Variants in GABRB2 observed in about 807,000 individuals in gnomAD.
GABRB2 encodes gamma-aminobutyric acid receptor subunit beta-2.
A neutral mutation model predicts 54.7 loss-of-function variants in GABRB2; 16 were observed. The ratio of observed to expected loss-of-function variants is 0.29; its 90% confidence interval spans 0.20 to 0.44. The LOEUF (loss-of-function observed/expected upper bound fraction) is 0.44, where lower values mean the gene tolerates loss of function less well. GABRB2 is among the 20% of genes least tolerant of loss of function. GABRB2 has a pLI of 1.00. For missense variants in GABRB2, 355 were observed against 644.0 expected (o/e 0.55, Z 4.86); for synonymous variants, 244 against 233.8 (o/e 1.04, Z -0.40).
chr5:161,411,077 G>A lies in GABRB2; in HGVS notation c.459-20C>T, dbSNP rs1323262404. The A allele has an allele frequency of 6.3e-6, 10 of 1,581,796 alleles. No individual in the cohort carries two copies. The South Asian group carries it at 8.9e-5, about 14-fold the overall frequency. On this transcript the variant is annotated intron_variant, in intron 4 of 9. Transcript: ENST00000393959. ...GTGATTCTAGAAGACAAATAGCAATGATGAGTGTTGTTAGCAGGTCTAAGG... is the reference window on the plus strand; with the variant it reads ...GTGATTCTAGAAGACAAATAGCAATAATGAGTGTTGTTAGCAGGTCTAAGG...
At chr5:161,451,237 G>T (rs1317299746) in intron 4 of GABRB2, among the ~76,000 whole-genome samples, 2 of 152,120 alleles carry the variant, frequency 1.3e-5, no homozygotes, top group Non-Finnish European at 2.9e-5. Flanking sequence ...ATTACCTTCT[G>T]CTTCCTGCTG....
At chr5:161,499,253 C>A (rs1462680301) in intron 3 of GABRB2, among the ~76,000 whole-genome samples, 2 of 152,176 alleles carry the variant, frequency 1.3e-5, no homozygotes, top group Non-Finnish European at 2.9e-5. Flanking sequence ...AGTATTATTT[C>A]TCTCTCTTAT....
chr5:161,388,523 C>T (rs1454487781), intron 5 of GABRB2, among the ~76,000 whole-genome samples: 1 of 151,734 alleles, frequency 6.6e-6, no homozygotes, highest in Non-Finnish European at 1.5e-5. Context: ...CTAATTTTAA[C>T]CTAGAAGATG....
intron 5 of GABRB2, among the ~76,000 whole-genome samples, chr5:161,341,973 A>ATATATATATATT: frequency 7.8e-6 from 1 of 129,026 alleles, no homozygotes; most frequent in East Asian, 2.3e-4. Context: ...ATATATACAT[A>ATATATATATATT]CTTTATTATT....
chr5:161,437,230 G>A (rs1757338433), intron 4 of GABRB2, among the ~76,000 whole-genome samples: 1 of 151,804 alleles, frequency 6.6e-6, no homozygotes, highest in Non-Finnish European at 1.5e-5. Context: ...GGCTCCAAAA[G>A]AGACCCCTTC....
intron 3 of GABRB2, among the ~76,000 whole-genome samples, chr5:161,512,278 C>T (rs1323346645): frequency 7.2e-5 from 11 of 151,734 alleles, no homozygotes; most frequent in Admixed American, 7.2e-4. Context: ...CCTGAATAGC[C>T]CAGGCAATAC....
chr5:161,333,695 C>T lies in GABRB2; in HGVS notation c.832+1057G>A, dbSNP rs558769640. Among the ~76,000 whole-genome samples the T allele has an allele frequency of 1.2e-4, 19 of 152,246 alleles. No homozygotes were observed. In the South Asian group the frequency reaches 2.7e-3, roughly 22 times the overall value. On this transcript the variant is annotated intron_variant, in intron 7 of 9. Coordinates refer to ENST00000393959, the MANE Select transcript of GABRB2 (RefSeq NM_001371727.1). ...GCTACTTCCCCTGAACTCACTTGGCCTCATTAGCCTCCTGCTGACACTGTT... is the reference window on the plus strand; with the variant it reads ...GCTACTTCCCCTGAACTCACTTGGCTTCATTAGCCTCCTGCTGACACTGTT...
chr5:161,506,282 A>T (rs2113391419), intron 3 of GABRB2, among the ~76,000 whole-genome samples: 1 of 152,280 alleles, frequency 6.6e-6, no homozygotes, highest in East Asian at 1.9e-4. Flanking sequence ...CATATGAAAA[A>T]GAAAATATTG....
intron 5 of GABRB2, among the ~76,000 whole-genome samples, chr5:161,398,402 T>A (rs955500453): frequency 5.3e-5 from 8 of 152,272 alleles, no homozygotes; most frequent in Admixed American, 5.2e-4. Context: ...CAAAACTGAC[T>A]TTGGCTAAAT....
At chr5:161,474,821 T>A (rs1490928429) in intron 3 of GABRB2, among the ~76,000 whole-genome samples, 1 of 151,976 alleles carries the variant, frequency 6.6e-6, no homozygotes, top group Non-Finnish European at 1.5e-5. Context: ...GCTCATAACT[T>A]TACGGTATAG....
At chr5:161,507,373 A>G (rs1265677668) in intron 3 of GABRB2, among the ~76,000 whole-genome samples, 1 of 152,102 alleles carries the variant, frequency 6.6e-6, no homozygotes, top group Admixed American at 6.6e-5. Flanking sequence ...TAAATATAAC[A>G]TGGTTATATA....
chr5:161,326,146 A>G (rs2113388861), intron 9 of GABRB2, among the ~76,000 whole-genome samples: 1 of 152,300 alleles, frequency 6.6e-6, no homozygotes, highest in Admixed American at 6.5e-5. Flanking sequence ...ACAATTCCTG[A>G]GTGAAACACT....
intron 5 of GABRB2, among the ~76,000 whole-genome samples, chr5:161,354,840 C>A (rs904271909): frequency 6.6e-6 from 1 of 152,018 alleles, no homozygotes; most frequent in Non-Finnish European, 1.5e-5. Flanking sequence ...AAAGTAATTA[C>A]TTTTTGCAAT....
At chr5:161,438,629 G>A (rs1757376831) in intron 4 of GABRB2, among the ~76,000 whole-genome samples, 1 of 151,932 alleles carries the variant, frequency 6.6e-6, no homozygotes, top group Non-Finnish European at 1.5e-5. Flanking sequence ...GCTGTGTTGA[G>A]GAAACTCAAA....
intron 3 of GABRB2, among the ~76,000 whole-genome samples, chr5:161,469,459 T>G (rs1758372426): frequency 6.6e-6 from 1 of 151,802 alleles, no homozygotes; most frequent in South Asian, 2.1e-4. Flanking sequence ...AAGCAAACGC[T>G]TAAGCCATCA....
At chr5:161,380,615 C>T (rs1453925255) in intron 5 of GABRB2, among the ~76,000 whole-genome samples, 1 of 151,766 alleles carries the variant, frequency 6.6e-6, no homozygotes, top group Non-Finnish European at 1.5e-5. Context: ...CTGTTTAGAA[C>T]ATGCAATGCT....
intron 8 of GABRB2, among the ~76,000 whole-genome samples, chr5:161,327,736 G>A (rs1758411661): frequency 1.3e-5 from 2 of 151,964 alleles, no homozygotes; most frequent in South Asian, 4.2e-4. Context: ...TAGATAATCT[G>A]ACACACTCCT....
chr5:161,407,974 C>A (rs1234059391), intron 5 of GABRB2, among the ~76,000 whole-genome samples: 1 of 152,020 alleles, frequency 6.6e-6, no homozygotes, highest in Non-Finnish European at 1.5e-5. Context: ...CCATATTAAC[C>A]TTTTAGAGCC....
chr5:161,510,903 A>G (rs1358452138), intron 3 of GABRB2, among the ~76,000 whole-genome samples: 1 of 151,950 alleles, frequency 6.6e-6, no homozygotes, highest in African/African-American at 2.4e-5. Context: ...CATCCCTTGA[A>G]GTAATATCCA....
Sources: allele counts gnomAD v4.1 joint callset (sites outside exome capture counted in the v4.1 genomes callset), GRCh38; gene constraint gnomAD v4.1.1; transcripts MANE v1.5; gene names NCBI Gene and HGNC (gene_info 2026-07-23, HGNC 2026-07-21).